Variants in MAGI2 observed in about 807,000 individuals in gnomAD.
MAGI2 encodes membrane-associated guanylate kinase, WW and PDZ domain-containing protein 2.
MAGI2 carries 35 observed loss-of-function variants against 133.3 expected under a neutral mutation model. That is an observed-to-expected ratio of 0.26 (90% CI 0.20 to 0.35). The LOEUF (loss-of-function observed/expected upper bound fraction) is 0.35, where lower values mean the gene tolerates loss of function less well. Ranked by LOEUF, MAGI2 falls within the 10% of genes least tolerant of loss-of-function variation. MAGI2 has a pLI of 1.00. For synonymous variants in MAGI2, 729 were observed against 710.6 expected (o/e 1.03, Z -0.41); for missense variants, 1,636 against 1,863.4 (o/e 0.88, Z 2.25).
intron 1 of MAGI2, among the ~76,000 whole-genome samples, chr7:79,168,216 G>A (rs145777278): frequency 0.056 from 8,583 of 152,090 alleles, 499 homozygotes; most frequent in East Asian, 0.15. Flanking sequence ...ATTTCTGTGT[G>A]TGTGTCTTTA....
At chr7:78,131,216 T>C (rs1821529284) in intron 18 of MAGI2, among the ~76,000 whole-genome samples, 1 of 152,254 alleles carries the variant, frequency 6.6e-6, no homozygotes, top group African/African-American at 2.4e-5. Context: ...GGCTCATTAC[T>C]GAGACACTCA....
intron 2 of MAGI2, among the ~76,000 whole-genome samples, chr7:78,946,351 A>G (rs1184809463): frequency 6.6e-6 from 1 of 152,204 alleles, no homozygotes; most frequent in African/African-American, 2.4e-5. Flanking sequence ...CACATACAAA[A>G]GAAAATTAGA....
At chr7:78,909,435 A>C (rs1798227329) in intron 2 of MAGI2, among the ~76,000 whole-genome samples, 1 of 150,556 alleles carries the variant, frequency 6.6e-6, no homozygotes, top group Non-Finnish European at 1.5e-5. Context: ...CTACTAAAAA[A>C]AAAAAAAAAC....
At chr7:78,510,073 TGA>T (rs1491492720) in intron 4 of MAGI2, among the ~76,000 whole-genome samples, 2 of 151,952 alleles carry the variant, frequency 1.3e-5, no homozygotes, top group Non-Finnish European at 1.5e-5. Flanking sequence ...ACATTTAAGC[TGA>T]GAGAAAAAAA....
chr7:79,287,075 T>C (rs1351568111), intron 1 of MAGI2, among the ~76,000 whole-genome samples: 1 of 152,122 alleles, frequency 6.6e-6, no homozygotes, highest in Non-Finnish European at 1.5e-5. Flanking sequence ...AGGAGTTTCC[T>C]ATCTGTGTCC....
chr7:79,282,511 T>A (rs144070536), intron 1 of MAGI2, among the ~76,000 whole-genome samples: 28 of 152,236 alleles, frequency 1.8e-4, no homozygotes, highest in African/African-American at 6.3e-4. Context: ...TAAGAACATA[T>A]CTGCAGGTGA....
intron 21 of MAGI2, among the ~76,000 whole-genome samples, chr7:78,031,566 T>C (rs936771654): frequency 6.6e-6 from 1 of 152,190 alleles, no homozygotes; most frequent in African/African-American, 2.4e-5. Context: ...TCTGAGTTCG[T>C]AGAGTTAGAA....
chr7:78,813,873 A>G (rs556774688), intron 2 of MAGI2, among the ~76,000 whole-genome samples: 1 of 152,182 alleles, frequency 6.6e-6, no homozygotes, highest in African/African-American at 2.4e-5. Context: ...CACTACCTCA[A>G]CTAATAAAAA....
chr7:79,278,823 G>A (rs549030236), intron 1 of MAGI2, among the ~76,000 whole-genome samples: 1 of 152,186 alleles, frequency 6.6e-6, no homozygotes, highest in African/African-American at 2.4e-5. Flanking sequence ...GGCCTTGGGG[G>A]AATAATATCT....
chr7:78,780,006 A>G (rs1826270394), intron 2 of MAGI2, among the ~76,000 whole-genome samples: 1 of 152,248 alleles, frequency 6.6e-6, no homozygotes, highest in Non-Finnish European at 1.5e-5. Context: ...CAGAAATTAG[A>G]AAGAAAGATA....
chr7:78,426,541 G>T (rs1436684628), intron 6 of MAGI2, among the ~76,000 whole-genome samples: 1 of 151,878 alleles, frequency 6.6e-6, no homozygotes, highest in Non-Finnish European at 1.5e-5. Context: ...CACCAGCATG[G>T]CACATGTATA....
At chr7:78,349,939 TAC>T (rs1791324445) in intron 7 of MAGI2, among the ~76,000 whole-genome samples, 1 of 152,196 alleles carries the variant, frequency 6.6e-6, no homozygotes, top group South Asian at 2.1e-4. Flanking sequence ...GTGAGGTAAG[TAC>T]TAGCTATTTC....
At chr7:78,274,972 T>C (rs900712017) in intron 9 of MAGI2, among the ~76,000 whole-genome samples, 5 of 150,674 alleles carry the variant, frequency 3.3e-5, no homozygotes, top group African/African-American at 1.2e-4. Flanking sequence ...CTTGCTGGTG[T>C]TCCACGTTCC....
chr7:79,122,057 G>T (rs1415688436), intron 1 of MAGI2, among the ~76,000 whole-genome samples: 1 of 152,150 alleles, frequency 6.6e-6, no homozygotes, highest in Non-Finnish European at 1.5e-5. Flanking sequence ...GCATATAAAT[G>T]TAGATGTTCA....
chr7:78,645,737 CTTTTT>C (rs541719231), intron 2 of MAGI2, among the ~76,000 whole-genome samples: 1 of 139,068 alleles, frequency 7.2e-6, no homozygotes. Context: ...AATAGCAAAA[CTTTTT>C]TTTTTTTTTT....
intron 2 of MAGI2, among the ~76,000 whole-genome samples, chr7:78,684,536 A>C (rs1816061083): frequency 6.6e-6 from 1 of 152,140 alleles, no homozygotes; most frequent in African/African-American, 2.4e-5. Context: ...TTAATTGTCT[A>C]GGTCTATAAA....
intron 1 of MAGI2, among the ~76,000 whole-genome samples, chr7:79,235,936 T>C (rs1417488299): frequency 1.3e-5 from 2 of 152,204 alleles, no homozygotes; most frequent in African/African-American, 4.8e-5. Context: ...AAACAGTTGT[T>C]AAAAGGATGA....
chr7:78,437,562 C>T (rs1584113679), intron 6 of MAGI2, among the ~76,000 whole-genome samples: 1 of 152,120 alleles, frequency 6.6e-6, no homozygotes, highest in African/African-American at 2.4e-5. Context: ...CCTCTGTGCC[C>T]TCATCTTGAC....
chr7:78,431,020 T>C (rs538829085), intron 6 of MAGI2, among the ~76,000 whole-genome samples: 1 of 151,964 alleles, frequency 6.6e-6, no homozygotes, highest in African/African-American at 2.4e-5. Flanking sequence ...ACAGGTATTA[T>C]AGACTTATAG....
Sources: allele counts gnomAD v4.1 joint callset (sites outside exome capture counted in the v4.1 genomes callset), GRCh38; gene constraint gnomAD v4.1.1; transcripts MANE v1.5; gene names NCBI Gene and HGNC (gene_info 2026-07-23, HGNC 2026-07-21).